The following SCAMP5 variants were observed in gnomAD, a reference collection of about 807,000 sequenced individuals.
SCAMP5 encodes the protein secretory carrier-associated membrane protein 5.
A neutral mutation model predicts 28.3 loss-of-function variants in SCAMP5; 7 were observed. The ratio of observed to expected loss-of-function variants is 0.25; its 90% CI spans 0.14 to 0.46. The LOEUF is 0.46. SCAMP5 is among the 20% of genes least tolerant of loss of function. The pLI, the probability that SCAMP5 is intolerant of heterozygous loss-of-function variation, is 0.99. For missense variants in SCAMP5, 192 were observed against 312.5 expected (o/e 0.61, Z 2.91); for synonymous variants, 117 against 116.4 (o/e 1.00, Z -0.03).
intron 1 of SCAMP5, among the ~76,000 whole-genome samples, chr15:75,008,270 T>G (rs1313487861): frequency 6.6e-6 from 1 of 152,094 alleles, no homozygotes; most frequent in East Asian, 1.9e-4. Flanking sequence ...AATGGAAGTC[T>G]CTCTACTCAT....
At chr15:75,016,155 G>C (rs903986848) in intron 3 of SCAMP5, among the ~76,000 whole-genome samples, 1 of 152,076 alleles carries the variant, frequency 6.6e-6, no homozygotes, top group Non-Finnish European at 1.5e-5. Flanking sequence ...GTCAGGGGCT[G>C]AAGCCATTCT....
intron 1 of SCAMP5, among the ~76,000 whole-genome samples, chr15:75,006,091 G>A (rs1223568328): frequency 1.4e-5 from 2 of 142,518 alleles, no homozygotes; most frequent in African/African-American, 5.2e-5. Context: ...TCCGCCTCCC[G>A]GGTTCAAGCT....
At chr15:75,004,959 G>C (rs1024177675) in intron 1 of SCAMP5, among the ~76,000 whole-genome samples, 9 of 152,166 alleles carry the variant, frequency 5.9e-5, no homozygotes, top group Admixed American at 6.5e-5. Flanking sequence ...GGCGGATCAC[G>C]AAGTCAAGAG....
chr15:75,017,531 C>G, intron 4 of SCAMP5: 1 of 504,786 alleles, frequency 2.0e-6, no homozygotes, highest in Non-Finnish European at 3.5e-6. Flanking sequence ...GTGGAGCTAG[C>G]TGTCTTGGTG....
At chr15:75,015,747 G>A (rs1413977079) in intron 3 of SCAMP5, among the ~76,000 whole-genome samples, 4 of 152,014 alleles carry the variant, frequency 2.6e-5, no homozygotes, top group Admixed American at 2.0e-4. Context: ...CCAACTTGGC[G>A]AAAAACCATC....
intron 1 of SCAMP5, among the ~76,000 whole-genome samples, chr15:74,998,914 A>G (rs2065677217): frequency 6.6e-6 from 1 of 152,206 alleles, no homozygotes; most frequent in South Asian, 2.1e-4. Context: ...GACCAGGGAC[A>G]GGGGTTAGGC....
At chr15:75,012,620 C>T in intron 2 of SCAMP5, 57 bp from the exon 3 acceptor site, 1 of 1,607,958 alleles carries the variant, frequency 6.2e-7, no homozygotes, top group South Asian at 1.1e-5. Flanking sequence ...GGATGGGCGT[C>T]TTGGATTGTC....
At position 75,018,610 on chromosome 15, in the gene SCAMP5, T is replaced by C; in HGVS notation, c.513+75T>C. 6 of 1,182,370 alleles carry C rather than the reference T, an allele frequency of 5.1e-6. No homozygotes were observed. The allele number at this position is 1,182,370 out of a possible 1,614,324, so 73.2% of individuals were successfully genotyped here. A position where few individuals can be genotyped will look rare whatever the true frequency, so the allele number is the denominator to read the frequency against. On this transcript the variant is annotated intron_variant, in intron 6 of 6. Transcript: ENST00000425597. This position sits in a 1 kb window ranked among gnomAD's most constrained non-coding sequence, Gnocchi z 5.6. The stretch of plus-strand genomic sequence containing the variant: ...TTCTGAAACAAGCCCTCCTCCAAGT[T>C]GCAAGAGGATCCCGAGGTCTTCCAA...
chr15:75,002,175 T>G (rs1217429680), intron 1 of SCAMP5, among the ~76,000 whole-genome samples: 1 of 151,770 alleles, frequency 6.6e-6, no homozygotes, highest in Admixed American at 6.6e-5. Context: ...GAAGCAGACA[T>G]CCAAGATGCT....
intron 4 of SCAMP5, chr15:75,017,533 G>A: frequency 1.9e-6 from 1 of 527,364 alleles, no homozygotes; most frequent in Non-Finnish European, 3.3e-6. Context: ...GGAGCTAGCT[G>A]TCTTGGTGTC....
chr15:74,998,723 C>G (rs182925866), intron 1 of SCAMP5, among the ~76,000 whole-genome samples: 5 of 151,162 alleles, frequency 3.3e-5, no homozygotes, highest in East Asian at 2.0e-4. Context: ...AAGCCTGGAG[C>G]CTTCCATTTC....
At chr15:74,999,243 T>TC (rs1453119343) in intron 1 of SCAMP5, among the ~76,000 whole-genome samples, 10 of 152,218 alleles carry the variant, frequency 6.6e-5, no homozygotes, top group Non-Finnish European at 1.3e-4. Context: ...CTCCATTTTC[T>TC]CCATCTCATG....
intron 1 of SCAMP5, among the ~76,000 whole-genome samples, chr15:75,004,769 A>T (rs540957440): frequency 1.3e-5 from 2 of 152,012 alleles, no homozygotes; most frequent in East Asian, 3.9e-4. Context: ...AAACAAAAAC[A>T]TGCACACATA....
At chr15:75,000,475 C>T (rs964355059) in intron 1 of SCAMP5, among the ~76,000 whole-genome samples, 1 of 152,048 alleles carries the variant, frequency 6.6e-6, no homozygotes, top group Non-Finnish European at 1.5e-5. Flanking sequence ...AGCTCTGCCT[C>T]CTGGGTTCAT....
chr15:75,018,691 G>C lies in SCAMP5; in HGVS notation c.514-98G>C. 1 of 1,067,306 alleles carries C rather than the reference G, an allele frequency of 9.4e-7. No individual in the cohort carries two copies. The highest frequency in any genetic ancestry group is 2.4e-5 in the East Asian group (1 of 42,176). The allele number at this position is 1,067,306 out of a possible 1,614,324, so 66.1% of individuals were successfully genotyped here. A position where few individuals can be genotyped will look rare whatever the true frequency, so the allele number is the denominator to read the frequency against. ...CTCCTACAGAGGCATTCATGGGGAG[G>C]GAGCACTGTTTTTTTTTTACAGATG... is the stretch of plus-strand genomic sequence containing the variant. On this transcript the variant is annotated intron_variant, in intron 6 of 6. Transcript: ENST00000425597. The surrounding 1 kb of genome is among the most constrained non-coding windows in gnomAD (Gnocchi z 5.6).
chr15:74,999,388 C>T lies in SCAMP5; in HGVS notation c.-49+3715C>T, dbSNP rs545199064. Among the ~76,000 whole-genome samples, 164 of 152,290 alleles carry T rather than the reference C, an allele frequency of 1.1e-3. 4 individuals are homozygous for T. In the South Asian group the frequency reaches 0.032, roughly 30 times the overall value. On this transcript the variant is annotated intron_variant, in intron 1 of 6. Coordinates refer to ENST00000425597, the MANE Select transcript of SCAMP5 (RefSeq NM_138967.4). ...CATCACTTATAGAAACCCCTCTCCT[C>T]ATTCCCATCAGTTCCCCTTTCTATT...
Position 75,013,031 on chromosome 15 carries a change from C to G in SCAMP5, c.136+226C>G, listed in dbSNP as rs191726917. On this transcript the variant is annotated intron_variant, in intron 3 of 6. Transcript: ENST00000425597. ...CCCTCAACCTCCCCCATCTAGGCCT[C>G]TCTTCCCTTCCTTCCCCTCCACCCT... 8.9e-6 allele frequency: 5 copies of G among 562,544 alleles called. No individual in the cohort carries two copies. The East Asian group carries it at 1.5e-4, about 17-fold the overall frequency. 34.8% of individuals were successfully genotyped at this position (562,544 alleles called of 1,614,324 possible).
intron 3 of SCAMP5, among the ~76,000 whole-genome samples, chr15:75,014,481 G>A (rs537399408): frequency 2.6e-5 from 4 of 152,272 alleles, no homozygotes; most frequent in East Asian, 3.9e-4. Context: ...AAAGAAACCC[G>A]GCCCCTAAGA....
chr15:75,016,829 CTTT>C (rs371189916), intron 4 of SCAMP5, 80 bp downstream of exon 4: 16,712 of 960,114 alleles, frequency 0.017, no homozygotes, highest in South Asian at 0.03. Context: ...TTTCTCACTT[CTTT>C]TTTTTTTTTT....
Sources: allele counts gnomAD v4.1 joint callset (sites outside exome capture counted in the v4.1 genomes callset), GRCh38; gene constraint gnomAD v4.1.1; non-coding constraint Gnocchi (gnomAD v3.1); transcripts MANE v1.5; gene names NCBI Gene and HGNC (gene_info 2026-07-23, HGNC 2026-07-21).